Variants in BSPRY observed in about 807,000 individuals in gnomAD.
BSPRY encodes the protein B-box and SPRY domain containing.
Under a neutral mutation model 38.0 loss-of-function variants are expected in BSPRY, and 33 were observed. That is an observed-to-expected ratio of 0.87 (90% CI 0.66 to 1.16). The LOEUF is 1.16. Among genes scored for constraint, BSPRY ranks in the 50% most tolerant of loss-of-function variants. The pLI is 0.00. For missense variants in BSPRY, 523 were observed against 533.2 expected (o/e 0.98, Z 0.19); for synonymous variants, 224 against 228.5 (o/e 0.98, Z 0.18).
Position 113,368,253 on chromosome 9 carries a change from T to C in BSPRY, c.558-6T>C. ...GAATCTCTGTCTCTGTTTTTCCCCA[T>C]ATAAGGACCGAAGAAGCAGAGGGCA... is the stretch of plus-strand genomic sequence containing the variant. On this transcript the variant is annotated splice_polypyrimidine_tract_variant and splice_region_variant and intron_variant, in intron 4 of 5. Coordinates refer to ENST00000374183, the MANE Select transcript of BSPRY (RefSeq NM_017688.3). The C allele has an allele frequency of 6.2e-7, 1 of 1,613,860 alleles. No homozygotes were observed.
At chr9:113,354,972 C>G (rs1013409864) in intron 2 of BSPRY, among the ~76,000 whole-genome samples, 1 of 152,166 alleles carries the variant, frequency 6.6e-6, no homozygotes, top group African/African-American at 2.4e-5. Flanking sequence ...TCTCCTGCCT[C>G]AGCCTCCCAA....
rs538774726 is a variant in BSPRY at position 113,359,554 on chromosome 9, CTTGTCTGG to C, written c.301-952_301-945del. Among the ~76,000 whole-genome samples the C allele has an allele frequency of 4.6e-4, 70 of 152,358 alleles. 1 individual carries two copies. The East Asian group carries it at 9.1e-3, about 20-fold the overall frequency. ...CATGAAGGAGGCAGTTCTATTCCCA[CTTGTCTGG>C]CAAGAGTACAAGTGCAGCTGCCTTA... is the stretch of plus-strand genomic sequence containing the variant. On this transcript the variant is annotated intron_variant, in intron 2 of 5. Coordinates refer to ENST00000374183, the MANE Select transcript of BSPRY (RefSeq NM_017688.3).
intron 3 of BSPRY, 144 bp downstream of exon 3, chr9:113,360,881 A>G (rs1337306839): frequency 1.3e-6 from 1 of 756,810 alleles, no homozygotes; most frequent in Non-Finnish European, 2.1e-6. Flanking sequence ...GCTTGGCCAA[A>G]CTTTAGTCAG....
Position 113,368,349 on chromosome 9 carries a change from A to G in BSPRY, c.648A>G (p.Gln216=). The G allele has an allele frequency of 6.2e-7, 1 of 1,613,928 alleles. No homozygotes were observed. Among genetic ancestry groups the G allele is most frequent in the Non-Finnish European group, 8.5e-7 (1 of 1,179,964 alleles). Residue 216 remains glutamine, a synonymous_variant, in exon 5 of 6, where the codon CAA becomes CAG. Transcript: ENST00000374183. ...GCACTCGGAGCCCACTACTGACCCA[A>G]CTCTGGGCAACGGCGGTTCTTGGGT... ...EKCTRSPLLT[Q]LWATAVLGSL... is the part of the protein sequence containing the mutation.
At chr9:113,368,097 G>A (rs1378285343) in intron 4 of BSPRY, among the ~76,000 whole-genome samples, 162 bp from the exon 5 acceptor site, 2 of 152,054 alleles carry the variant, frequency 1.3e-5, no homozygotes, top group African/African-American at 2.4e-5. Context: ...GCCTTCCAAA[G>A]TGCTAGGGTC....
chr9:113,363,012 C>A (rs1468656043), intron 4 of BSPRY, among the ~76,000 whole-genome samples: 1 of 152,174 alleles, frequency 6.6e-6, no homozygotes, highest in Non-Finnish European at 1.5e-5. Context: ...ACTTAGGGAA[C>A]ACAGTCCATT....
At position 113,370,077 on chromosome 9, in the gene BSPRY, T is replaced by C. The variant is rs1834320940; in HGVS notation, c.1144T>C (p.Ser382Pro). Reference sequence around the variant, plus strand: ...CACAGTGCTCTGTGCCCATCATGTGTCCTTCCCGGGGCCCCTCTTCCCAGT... The same window carrying C: ...CACAGTGCTCTGTGCCCATCATGTGCCCTTCCCGGGGCCCCTCTTCCCAGT... ...SGTVLCAHHV[S>P]FPGPLFPVFA... The change falls in exon 6 of 6, where the codon TCC becomes CCC. Residue 382 changes from serine (S) to proline (P), a missense_variant. Transcript: ENST00000374183. This position sits in a 1 kb window ranked among gnomAD's most constrained non-coding sequence, Gnocchi z 4.8. 1 of 1,611,790 alleles carries C rather than the reference T, an allele frequency of 6.2e-7. No individual in the cohort carries two copies. Among genetic ancestry groups the C allele is most frequent in the Non-Finnish European group, 8.5e-7 (1 of 1,179,014 alleles).
chr9:113,366,062 C>A (rs572310618), intron 4 of BSPRY, among the ~76,000 whole-genome samples: 2 of 152,100 alleles, frequency 1.3e-5, no homozygotes, highest in Non-Finnish European at 2.9e-5. Context: ...ACCTCAGTCT[C>A]CCAAAGTGCT....
rs1181020701 is a variant in BSPRY at position 113,371,108 on chromosome 9, G to GC, written c.*971dup. 6.6e-6 allele frequency: 1 copy of GC among 152,200 alleles called. No homozygotes were observed. The highest frequency in any genetic ancestry group is 1.5e-5 in the Non-Finnish European group (1 of 68,062). The allele number at this position is 152,200 out of a possible 1,614,324, so 9.4% of individuals were successfully genotyped here. On this transcript the variant is annotated 3_prime_UTR_variant, in exon 6 of 6. Transcript: ENST00000374183. ...AGCTGATAAGTTTCCCTACCTGATG[G>GC]CCCCCTCTGACATAAACTGCACACC...
At chr9:113,350,770 T>C (rs1564330593) in intron 1 of BSPRY, among the ~76,000 whole-genome samples, 1 of 152,132 alleles carries the variant, frequency 6.6e-6, no homozygotes, top group African/African-American at 2.4e-5. Context: ...ACCCAAAAGC[T>C]CCTGGTTCGT....
chr9:113,365,608 T>G (rs988373027), intron 4 of BSPRY, among the ~76,000 whole-genome samples: 3 of 152,118 alleles, frequency 2.0e-5, no homozygotes, highest in Non-Finnish European at 4.4e-5. Context: ...CACCTGGTTG[T>G]TTTTAGTGGA....
intron 4 of BSPRY, among the ~76,000 whole-genome samples, chr9:113,362,651 A>G (rs1318400891): frequency 1.3e-5 from 2 of 152,230 alleles, no homozygotes; most frequent in South Asian, 4.1e-4. Context: ...CTCTGTAAAA[A>G]GGTAGTCACC....
intron 2 of BSPRY, 49 bp downstream of exon 2, chr9:113,354,387 CTT>C: frequency 6.6e-7 from 1 of 1,511,882 alleles, no homozygotes; most frequent in South Asian, 1.1e-5. Context: ...AGGATAAGGC[CTT>C]AGACTTAGGG....
At chr9:113,362,932 A>C (rs570665058) in intron 4 of BSPRY, among the ~76,000 whole-genome samples, 1 of 152,254 alleles carries the variant, frequency 6.6e-6, no homozygotes, top group Non-Finnish European at 1.5e-5. Context: ...GGCCTGAGGA[A>C]GTGGCCAAGA....
chr9:113,357,921 TA>T (rs1443154210), intron 2 of BSPRY, among the ~76,000 whole-genome samples: 2 of 36,572 alleles, frequency 5.5e-5, no homozygotes, highest in Non-Finnish European at 1.1e-4. Flanking sequence ...TATATATATA[TA>T]TATATATATA....
In BSPRY at chr9:113,370,085, G is replaced by A. The variant is rs188713466; in HGVS notation, c.1152G>A (p.Pro384=). ...TCTGTGCCCATCATGTGTCCTTCCC[G>A]GGGCCCCTCTTCCCAGTCTTTGCTG... ...TVLCAHHVSF[P]GPLFPVFAVA... Residue 384 remains proline (P), a synonymous_variant, in exon 6 of 6, where the codon CCG becomes CCA. Coordinates refer to ENST00000374183, the MANE Select transcript of BSPRY (RefSeq NM_017688.3). The surrounding 1 kb of genome is among the most constrained non-coding windows in gnomAD (Gnocchi z 4.8). The A allele has an allele frequency of 2.8e-4, 452 of 1,609,228 alleles. 6 individuals carry two copies. In the East Asian group the frequency reaches 5.8e-3, roughly 21 times the overall value.
rs1834320689 is a variant in BSPRY, at chr9:113,370,072, A to G, written c.1139A>G (p.His380Arg). The G allele has an allele frequency of 6.2e-7, 1 of 1,612,518 alleles. No individual in the cohort carries two copies. The highest frequency in any genetic ancestry group is 8.5e-7 in the Non-Finnish European group (1 of 1,179,330). The change falls in exon 6 of 6, where the codon CAT becomes CGT. Residue 380 changes from histidine (H) to arginine (R), a missense_variant. By Grantham distance (29) the His-to-Arg change is conservative. Coordinates refer to ENST00000374183, the MANE Select transcript of BSPRY (RefSeq NM_017688.3). This position sits in a 1 kb window ranked among gnomAD's most constrained non-coding sequence, Gnocchi z 4.8. ...TCCGGCACAGTGCTCTGTGCCCATC[A>G]TGTGTCCTTCCCGGGGCCCCTCTTC... ...PASGTVLCAHHVSFPGPLFPV... is the reference protein window; with the variant it reads ...PASGTVLCAHRVSFPGPLFPV...
Position 113,362,395 on chromosome 9 carries a change from G to A in BSPRY, c.557+1G>A. On this transcript the variant is annotated splice_donor_variant, in intron 4 of 5. Coordinates refer to ENST00000374183, the MANE Select transcript of BSPRY (RefSeq NM_017688.3). LOFTEE classifies it high-confidence loss of function. ...AGAAGGAGCAAGAGATTTTCGAGAG[G>A]TGAGTATAGACCCCGTGATTTGACT... 1 of 1,614,074 alleles carries A rather than the reference G, an allele frequency of 6.2e-7. No individual in the cohort carries two copies.
At position 113,370,084 on chromosome 9, in the gene BSPRY, C is replaced by T. The variant is rs62620170; in HGVS notation, c.1151C>T (p.Pro384Leu). Residue 384 changes from proline to leucine, a missense_variant, in exon 6 of 6, where the codon CCG becomes CTG. Transcript: ENST00000374183. The surrounding 1 kb of genome is among the most constrained non-coding windows in gnomAD (Gnocchi z 4.8). ...CTCTGTGCCCATCATGTGTCCTTCC[C>T]GGGGCCCCTCTTCCCAGTCTTTGCT... The part of the protein sequence containing the change: ...TVLCAHHVSF[P>L]GPLFPVFAVA... The T allele has an allele frequency of 6.0e-3, 9,649 of 1,609,796 alleles. 44 individuals carry two copies. The highest frequency in any genetic ancestry group is 7.2e-3 in the Non-Finnish European group (8,519 of 1,178,202).
Sources: gnomAD v4.1 joint callset for allele counts (sites outside exome capture counted in the v4.1 genomes callset) on GRCh38, gnomAD v4.1.1 for gene constraint, Gnocchi (gnomAD v3.1) non-coding constraint, MANE v1.5 for transcripts, NCBI Gene and HGNC (gene_info 2026-07-23, HGNC 2026-07-21) for gene names.